Variants in SDK2 observed in about 807,000 individuals in gnomAD.
SDK2 encodes the protein sidekick cell adhesion molecule 2, also known as protein sidekick-2.
Under a neutral mutation model 253.9 loss-of-function variants are expected in SDK2, and 105 were observed. The ratio of observed to expected loss-of-function variants is 0.41; its 90% confidence interval spans 0.35 to 0.49. The LOEUF is 0.49. Among genes scored for constraint, SDK2 ranks in the 20% least tolerant of loss-of-function variants. The pLI, the probability that SDK2 is intolerant of heterozygous loss-of-function variation, is 0.06. For synonymous variants in SDK2, 1,249 were observed against 1,234.9 expected (o/e 1.01, Z -0.24); for missense variants, 2,608 against 3,003.0 (o/e 0.87, Z 3.07).
rs1010833913 is a variant in SDK2 at position 73,432,762 on chromosome 17, T to G, written c.1312+970A>C. On this transcript the variant is annotated intron_variant, in intron 10 of 44. Transcript: ENST00000392650. ...TGCCGGTGTGAAGGAGCAACTGTGT[T>G]TGTACGTGTGTGTGCACATGTGTAT... is the stretch of plus-strand genomic sequence containing the variant. 2.8e-4 allele frequency among the ~76,000 whole-genome samples: 39 copies of G among 138,866 alleles called. 1 individual carries two copies. The highest frequency in any genetic ancestry group is 8.2e-4 in the African/African-American group (33 of 40,126). The allele number at this position is 138,866 out of a possible 152,430, so 91.1% of individuals were successfully genotyped here.
In SDK2 at chr17:73,338,652, G is replaced by A. The variant is rs757231252; in HGVS notation, c.6454C>T (p.Arg2152Cys). ...NPPSQQSTLYRPPSSLAPGSR... is the reference protein window; with the variant it reads ...NPPSQQSTLYCPPSSLAPGSR... ...CCTGGGGCCAGGCTGCTGGGGGGAC[G>A]GTAGAGGGTGCTCTGCTGACTTGGG... The change falls in exon 45 of 45, where the codon CGT becomes TGT. Residue 2152 changes from arginine (R) to cysteine (C), a missense_variant. By Grantham distance (180) the Arg-to-Cys change is radical. Transcript: ENST00000392650. This position sits in a 1 kb window ranked among gnomAD's most constrained non-coding sequence, Gnocchi z 5.0. The A allele has an allele frequency of 2.4e-5, 37 of 1,553,102 alleles. 1 individual carries two copies. In the Admixed American group the frequency reaches 3.1e-4, roughly 13 times the overall value.
At chr17:73,587,162 T>C (rs1168913461) in intron 1 of SDK2, among the ~76,000 whole-genome samples, 1 of 152,156 alleles carries the variant, frequency 6.6e-6, no homozygotes, top group East Asian at 1.9e-4. Context: ...CAACTCAAAT[T>C]CCATGCCCTT....
chr17:73,591,196 G>A (rs1398497001), intron 1 of SDK2, among the ~76,000 whole-genome samples: 2 of 152,198 alleles, frequency 1.3e-5, no homozygotes, highest in Non-Finnish European at 2.9e-5. Context: ...TGGATTACAG[G>A]TGTGAGCCAC....
intron 1 of SDK2, among the ~76,000 whole-genome samples, chr17:73,587,700 C>T (rs1012658194): frequency 6.6e-6 from 1 of 152,194 alleles, no homozygotes; most frequent in Admixed American, 6.5e-5. Context: ...TGAGACCCAG[C>T]GCTCTGGCAA....
chr17:73,361,950 T>A lies in SDK2; in HGVS notation c.5306-105A>T, dbSNP rs1309422635. On this transcript the variant is annotated intron_variant, in intron 38 of 44. Coordinates refer to ENST00000392650, the MANE Select transcript of SDK2 (RefSeq NM_001144952.2). This position sits in a 1 kb window ranked among gnomAD's most constrained non-coding sequence, Gnocchi z 4.1. The stretch of plus-strand genomic sequence containing the variant: ...GTGGCCTGGGCCCCGGGACCCTGGG[T>A]AGGGGCCTCACTCCTTGAGGTCAGG... 8 of 1,121,840 alleles carry A rather than the reference T, an allele frequency of 7.1e-6. No individual in the cohort carries two copies. The highest frequency in any genetic ancestry group is 5.0e-6 in the Non-Finnish European group (4 of 805,328). The allele number at this position is 1,121,840 out of a possible 1,614,324, so 69.5% of individuals were successfully genotyped here.
rs1395516640 is a variant in SDK2, at chr17:73,437,951, C to T, written c.916+13G>A. On this transcript the variant is annotated intron_variant, in intron 7 of 44. Coordinates refer to ENST00000392650, the MANE Select transcript of SDK2 (RefSeq NM_001144952.2). ...CCCCTCAGGGGAGCCCTAGCAGCCC[C>T]ACCCTCTCTCACCCAGCACTGAGAG... 6.4e-7 allele frequency: 1 copy of T among 1,552,882 alleles called. No individual in the cohort carries two copies. Among genetic ancestry groups the T allele is most frequent in the African/African-American group, 1.4e-5 (1 of 73,338 alleles).
chr17:73,399,253 T>C lies in SDK2; in HGVS notation c.3008A>G (p.Asn1003Ser), dbSNP rs2062999990. 1 of 1,613,710 alleles carries C rather than the reference T, an allele frequency of 6.2e-7. No individual in the cohort carries two copies. Among genetic ancestry groups the C allele is most frequent in the Non-Finnish European group, 8.5e-7 (1 of 1,179,768 alleles). ...PGPPTNLGIS[N>S]IGPRSVTLQF... ...CAAGGTCACAGAGCGGGGGCCGATG[T>C]TGGAAATGCCCAGGTTGGTGGGGGG... Residue 1003 changes from asparagine to serine, a missense_variant, in exon 22 of 45, where the codon AAC becomes AGC. Physicochemically the swap from Asn to Ser is conservative, Grantham distance 46. Transcript: ENST00000392650.
intron 12 of SDK2, among the ~76,000 whole-genome samples, chr17:73,426,282 G>T (rs2063283364): frequency 7.2e-6 from 1 of 139,348 alleles, no homozygotes; most frequent in South Asian, 2.3e-4. Flanking sequence ...GGCCAAGCTG[G>T]TCTTGAACTC....
At chr17:73,414,831 A>C in intron 17 of SDK2, 72 bp from the exon 18 acceptor site, 2 of 945,494 alleles carry the variant, frequency 2.1e-6, no homozygotes, top group South Asian at 2.7e-5. Context: ...TCAGTAGAGA[A>C]AACGCAGGGG....
At chr17:73,422,715 C>A (rs1035057937) in intron 14 of SDK2, among the ~76,000 whole-genome samples, 3 of 152,030 alleles carry the variant, frequency 2.0e-5, no homozygotes, top group African/African-American at 7.2e-5. Flanking sequence ...GAGCTCTAGG[C>A]AAGCTGTGTT....
chr17:73,546,607 TG>T (rs2044969595), intron 1 of SDK2, among the ~76,000 whole-genome samples: 1 of 152,206 alleles, frequency 6.6e-6, no homozygotes, highest in Non-Finnish European at 1.5e-5. Context: ...CAGGCCTGCC[TG>T]GGGCCATGGC....
chr17:73,497,681 C>T (rs2063854077), intron 2 of SDK2, among the ~76,000 whole-genome samples: 1 of 151,966 alleles, frequency 6.6e-6, no homozygotes, highest in Non-Finnish European at 1.5e-5. Flanking sequence ...CCCAGCCGCC[C>T]CTCGCAGCAC....
intron 15 of SDK2, among the ~76,000 whole-genome samples, chr17:73,419,871 C>A (rs576017938): frequency 2.7e-4 from 40 of 150,438 alleles, no homozygotes; most frequent in African/African-American, 9.9e-4. Flanking sequence ...GAAACAGAGA[C>A]CCTGTCTCAA....
chr17:73,432,836 ATG>A (rs939440190), intron 10 of SDK2, among the ~76,000 whole-genome samples: 4 of 149,132 alleles, frequency 2.7e-5, no homozygotes, highest in Admixed American at 6.6e-5. Flanking sequence ...GTGTGCATGT[ATG>A]TGTGTGCATG....
chr17:73,398,316 T>A lies in SDK2; in HGVS notation c.3203+4A>T. ...CTGCCTTCTCCCCGGGCCAGTCTCA[T>A]TACCTGTAGCAGGTGAAGGGGTTGA... On this transcript the variant is annotated splice_donor_region_variant and intron_variant, in intron 23 of 44. Coordinates refer to ENST00000392650, the MANE Select transcript of SDK2 (RefSeq NM_001144952.2). The A allele has an allele frequency of 6.2e-7, 1 of 1,612,822 alleles. No homozygotes were observed.
Position 73,534,330 on chromosome 17 carries a change from C to G in SDK2, c.65-26733G>C, listed in dbSNP as rs753052407. Among the ~76,000 whole-genome samples the G allele has an allele frequency of 1.3e-5, 2 of 152,176 alleles. No individual in the cohort carries two copies. The highest frequency in any genetic ancestry group is 2.9e-5 in the Non-Finnish European group (2 of 68,044). On this transcript the variant is annotated intron_variant, in intron 1 of 44. Coordinates refer to ENST00000392650, the MANE Select transcript of SDK2 (RefSeq NM_001144952.2). The surrounding 1 kb of genome is among the most constrained non-coding windows in gnomAD (Gnocchi z 4.9). ...TTAAATAGCTGGCGGCAGGGAGACA[C>G]AGCTGTCCATGATTCTGAGGAAGGT...
At position 73,507,475 on chromosome 17, in the gene SDK2, T is replaced by C; in HGVS notation, c.187A>G (p.Asn63Asp). 1 of 1,551,610 alleles carries C rather than the reference T, an allele frequency of 6.4e-7. No individual in the cohort carries two copies. Among genetic ancestry groups the C allele is most frequent in the Non-Finnish European group, 8.7e-7 (1 of 1,146,958 alleles). ...GAGAACTTGGTCAGCTCCCTGTTGT[T>C]GTGGAGCCACTTGAACTCCAGTGGC... The part of the protein sequence containing the change: ...SWPLEFKWLH[N>D]NRELTKFSLE... Residue 63 changes from asparagine to aspartate, a missense_variant, in exon 2 of 45, where the codon AAC (asparagine) becomes GAC (aspartate). Asn to Asp is a conservative substitution (Grantham distance 23, BLOSUM62 1). Around this residue, in one of 2 missense-constraint regions of SDK2, gnomAD observed 1,505 missense variants for 1,859.1 expected, o/e 0.81. Coordinates refer to ENST00000392650, the MANE Select transcript of SDK2 (RefSeq NM_001144952.2).
At chr17:73,456,191 G>A (rs929221210) in intron 3 of SDK2, 138 bp from the exon 4 acceptor site, 2 of 916,228 alleles carry the variant, frequency 2.2e-6, no homozygotes, top group African/African-American at 3.4e-5. Context: ...AGGACACCTT[G>A]CTCGGGCCAC....
intron 30 of SDK2, among the ~76,000 whole-genome samples, chr17:73,387,056 G>T (rs1442401731): frequency 6.6e-6 from 1 of 152,176 alleles, no homozygotes; most frequent in Non-Finnish European, 1.5e-5. Context: ...CGCCTCCCGC[G>T]TTCAAGCGAT....
Sources: gnomAD v4.1 joint callset for allele counts (sites outside exome capture counted in the v4.1 genomes callset) on GRCh38, gnomAD v4.1.1 for gene constraint, gnomAD v4.1.1 regional missense constraint, Gnocchi (gnomAD v3.1) non-coding constraint, MANE v1.5 for transcripts, NCBI Gene and HGNC (gene_info 2026-07-23, HGNC 2026-07-21) for gene names.